NSD2: variants seen among roughly 807,000 people sequenced by gnomAD.
NSD2 encodes the protein histone-lysine N-methyltransferase NSD2.
A neutral mutation model predicts 139.0 loss-of-function variants in NSD2; 12 were observed. That is an observed-to-expected ratio of 0.09 (90% CI 0.06 to 0.14). The LOEUF (loss-of-function observed/expected upper bound fraction) is 0.14, where lower values mean the gene tolerates loss of function less well. Among genes scored for constraint, NSD2 ranks in the 10% least tolerant of loss-of-function variants. The pLI is 1.00. For synonymous variants in NSD2, 669 were observed against 648.7 expected (o/e 1.03, Z -0.48); for missense variants, 1,155 against 1,745.0 (o/e 0.66, Z 6.02).
intron 1 of NSD2, among the ~76,000 whole-genome samples, chr4:1,880,624 A>AT: frequency 1.3e-5 from 2 of 152,134 alleles, no homozygotes; most frequent in East Asian, 3.8e-4. Flanking sequence ...AAAAAAAAAA[A>AT]AATCAAACCT....
rs79111758 is a variant in NSD2 at position 1,955,556 on chromosome 4, G to A, written c.2519-137G>A. 1.3e-3 allele frequency: 1,675 copies of A among 1,257,486 alleles called. 14 individuals are homozygous for A. In the African/African-American group the frequency reaches 0.022, roughly 17 times the overall value. The allele number at this position is 1,257,486 out of a possible 1,614,324, so 77.9% of individuals were successfully genotyped here. A position where few individuals can be genotyped will look rare whatever the true frequency, so the allele number is the denominator to read the frequency against. ...TGTGGTGAAAATGACATTTGCTCTC[G>A]TGCTGATGTACAGATCGCTGTTTTA... On this transcript the variant is annotated intron_variant, in intron 13 of 21. Transcript: ENST00000508803. The surrounding 1 kb of genome is among the most constrained non-coding windows in gnomAD (Gnocchi z 4.7).
In NSD2 at chr4:1,979,084, C is replaced by A; in HGVS notation, c.*175C>A. The A allele has an allele frequency of 1.3e-6, 1 of 759,070 alleles. No homozygotes were observed. The highest frequency in any genetic ancestry group is 2.0e-6 in the Non-Finnish European group (1 of 509,364). The allele number at this position is 759,070 out of a possible 1,614,324, so 47.0% of individuals were successfully genotyped here. ...ACCACTGAGCCATCCTCAGCAGCGT[C>A]CGCTGCGTCTGCACTGATGACCGTC... On this transcript the variant is annotated 3_prime_UTR_variant, in exon 22 of 22. Coordinates refer to ENST00000508803, the MANE Select transcript of NSD2 (RefSeq NM_001042424.3).
In NSD2 at chr4:1,976,585, C is replaced by T. The variant is rs376631585; in HGVS notation, c.3732C>T (p.Arg1244=). The T allele has an allele frequency of 1.7e-5, 28 of 1,612,844 alleles. No individual in the cohort carries two copies. In the African/African-American group the frequency reaches 3.5e-4, roughly 20 times the overall value. The change falls in exon 21 of 22, where the codon CGC becomes CGT. Residue 1244 remains arginine (R), a synonymous_variant. Coordinates refer to ENST00000508803, the MANE Select transcript of NSD2 (RefSeq NM_001042424.3). This position sits in a 1 kb window ranked among gnomAD's most constrained non-coding sequence, Gnocchi z 5.3. ...GGCAGTCAGAGGACGAGTGCTTCCG[C>T]TGCGGTGATGGCGGGCAGCTGGTGC... ...GKRQSEDECF[R]CGDGGQLVLC...
intron 1 of NSD2, among the ~76,000 whole-genome samples, chr4:1,879,042 A>G (rs190453404): frequency 1.5e-3 from 227 of 152,154 alleles, no homozygotes; most frequent in African/African-American, 5.3e-3. Context: ...TTCCTTCCAG[A>G]AGGAAGCTCT....
intron 5 of NSD2, among the ~76,000 whole-genome samples, chr4:1,919,749 T>A (rs1426778043): frequency 6.6e-6 from 1 of 151,912 alleles, no homozygotes; most frequent in East Asian, 1.9e-4. Context: ...CTGGCCAACA[T>A]GATGAAACCC....
At position 1,981,630 on chromosome 4, in the gene NSD2, C is replaced by T. The variant is rs543957340; in HGVS notation, c.*2721C>T. The T allele has an allele frequency of 2.9e-5, 11 of 381,540 alleles. No individual in the cohort carries two copies. The highest frequency in any genetic ancestry group is 9.1e-5 in the Admixed American group (2 of 22,092). The allele number at this position is 381,540 out of a possible 1,614,324, so 23.6% of individuals were successfully genotyped here. Reference sequence around the variant, plus strand: ...CACCTGAAGTGAGAACCCAGCTGTCCGTCCTCAGGCCGGCCTTTCTTCCGG... The same window carrying T: ...CACCTGAAGTGAGAACCCAGCTGTCTGTCCTCAGGCCGGCCTTTCTTCCGG... On this transcript the variant is annotated 3_prime_UTR_variant, in exon 22 of 22. Transcript: ENST00000508803.
intron 11 of NSD2, 99 bp from the exon 12 acceptor site, chr4:1,953,225 C>T (rs761882008): frequency 1.9e-6 from 3 of 1,601,124 alleles, no homozygotes; most frequent in Middle Eastern, 1.7e-4. Flanking sequence ...AGCATGGCTG[C>T]CTCTGAAGAG....
At chr4:1,881,940 G>C (rs141010572) in intron 1 of NSD2, among the ~76,000 whole-genome samples, 1 of 152,324 alleles carries the variant, frequency 6.6e-6, no homozygotes, top group African/African-American at 2.4e-5. Flanking sequence ...CAGAGCTTCT[G>C]TGATAGAGCA....
In NSD2 at chr4:1,873,647, C is replaced by A. The variant is rs182328348; in HGVS notation, c.-30+2105C>A. ...GCCTTCTGCCTATTCAGATTATCTT[C>A]TCCTTCTAAAAGTAATCAAATCTTA... On this transcript the variant is annotated intron_variant, in intron 1 of 21. Transcript: ENST00000508803. Among the ~76,000 whole-genome samples, 173 of 152,346 alleles carry A rather than the reference C, an allele frequency of 1.1e-3. 1 individual carries two copies. Among genetic ancestry groups the A allele is most frequent in the Admixed American group, 4.5e-3 (69 of 15,306 alleles).
chr4:1,969,705 AAAAC>A (rs1292428265), intron 18 of NSD2, among the ~76,000 whole-genome samples: 6 of 152,358 alleles, frequency 3.9e-5, no homozygotes, highest in East Asian at 3.9e-4. Flanking sequence ...TTCTGTCTCT[AAAAC>A]AAACAAAAAC....
chr4:1,872,197 G>T (rs1362599422), intron 1 of NSD2, among the ~76,000 whole-genome samples: 1 of 152,140 alleles, frequency 6.6e-6, no homozygotes, highest in African/African-American at 2.4e-5. Context: ...AGGTGGAGGC[G>T]GGGGTGAGCC....
At chr4:1,934,920 A>T (rs1430506141) in intron 6 of NSD2, among the ~76,000 whole-genome samples, 4 of 136,824 alleles carry the variant, frequency 2.9e-5, no homozygotes, top group Non-Finnish European at 4.7e-5. Context: ...AAAAACAGAT[A>T]AAACAGATGC....
intron 3 of NSD2, among the ~76,000 whole-genome samples, chr4:1,907,651 C>T (rs1227531247): frequency 1.6e-5 from 2 of 123,208 alleles, no homozygotes; most frequent in Non-Finnish European, 3.2e-5. Context: ...GACACAGTCT[C>T]ACTCTGTTGC....
chr4:1,871,747 G>A (rs1383489764), intron 1 of NSD2, among the ~76,000 whole-genome samples: 1 of 148,624 alleles, frequency 6.7e-6, no homozygotes, highest in Non-Finnish European at 1.5e-5. Flanking sequence ...GGCCTGAGAG[G>A]GTCGTGGGGA....
chr4:1,971,507 GT>G (rs1413738021), intron 18 of NSD2, among the ~76,000 whole-genome samples: 4 of 152,138 alleles, frequency 2.6e-5, no homozygotes, highest in African/African-American at 9.7e-5. Context: ...TGGAGGAAGT[GT>G]TTAGAGACCA....
intron 5 of NSD2, among the ~76,000 whole-genome samples, chr4:1,921,508 A>G (rs1720120483): frequency 6.6e-6 from 1 of 151,960 alleles, no homozygotes; most frequent in Non-Finnish European, 1.5e-5. Context: ...AGGGCCAGGC[A>G]CAATGGCTCA....
intron 9 of NSD2, chr4:1,946,284 G>A (rs1723619733): frequency 9.9e-6 from 9 of 904,726 alleles, no homozygotes; most frequent in Non-Finnish European, 1.2e-5. Context: ...TTTATTTAGA[G>A]ACAGAGTCTC....
chr4:1,911,898 G>A (rs932047257), intron 3 of NSD2, among the ~76,000 whole-genome samples: 4 of 152,084 alleles, frequency 2.6e-5, no homozygotes, highest in Non-Finnish European at 5.9e-5. Context: ...CACCTGACAT[G>A]TAAGGAGCAT....
chr4:1,940,522 G>A (rs996213763), intron 9 of NSD2: 68 of 1,064,582 alleles, frequency 6.4e-5, no homozygotes, highest in Non-Finnish European at 7.6e-5. Context: ...TTGTTCGGAG[G>A]TAGTTTTGGT....
Sources: allele counts gnomAD v4.1 joint callset (sites outside exome capture counted in the v4.1 genomes callset), GRCh38; gene constraint gnomAD v4.1.1; non-coding constraint Gnocchi (gnomAD v3.1); transcripts MANE v1.5; gene names NCBI Gene and HGNC (gene_info 2026-07-23, HGNC 2026-07-21).